Variants in MAGI2 observed in about 807,000 individuals in gnomAD.
MAGI2 encodes the protein membrane-associated guanylate kinase, WW and PDZ domain-containing protein 2.
A neutral mutation model predicts 133.3 loss-of-function variants in MAGI2; 35 were observed. The ratio of observed to expected loss-of-function variants is 0.26; its 90% CI spans 0.20 to 0.35. MAGI2 has a LOEUF of 0.35. Among genes scored for constraint, MAGI2 ranks in the 10% least tolerant of loss-of-function variants. The pLI, the probability that MAGI2 is intolerant of heterozygous loss-of-function variation, is 1.00. For synonymous variants in MAGI2, 729 were observed against 710.6 expected (o/e 1.03, Z -0.41); for missense variants, 1,636 against 1,863.4 (o/e 0.88, Z 2.25).
intron 14 of MAGI2, chr7:78,170,332 T>C (rs1474752782): frequency 6.6e-6 from 1 of 152,218 alleles, no homozygotes; most frequent in Non-Finnish European, 1.5e-5. Flanking sequence ...CAGCAACATT[T>C]ACAGATACTC....
rs138015758 is a variant in MAGI2, at chr7:78,694,055, T to C, written c.419-66816A>G. ...AAGGGCAGATCCTTGTTCCACAATA[T>C]AGAAGCTGCGTGACCATTGATAATT... On this transcript the variant is annotated intron_variant, in intron 2 of 21. Coordinates refer to ENST00000354212, the MANE Select transcript of MAGI2 (RefSeq NM_012301.4). Among the ~76,000 whole-genome samples the C allele has an allele frequency of 4.6e-5, 7 of 152,244 alleles. No individual in the cohort carries two copies. The East Asian group carries it at 9.7e-4, about 21-fold the overall frequency.
intron 2 of MAGI2, among the ~76,000 whole-genome samples, chr7:78,835,245 T>C (rs1347469161): frequency 6.6e-6 from 1 of 152,222 alleles, no homozygotes; most frequent in Admixed American, 6.5e-5. Context: ...ACATTTATTA[T>C]TGTCTGTCTT....
intron 1 of MAGI2, among the ~76,000 whole-genome samples, chr7:79,309,715 G>A (rs191677883): frequency 6.6e-5 from 10 of 151,776 alleles, no homozygotes; most frequent in Non-Finnish European, 1.0e-4. Flanking sequence ...ATCTTTCATC[G>A]TTTATGATGT....
chr7:78,601,288 T>A (rs1805175451), intron 3 of MAGI2, among the ~76,000 whole-genome samples: 1 of 152,032 alleles, frequency 6.6e-6, no homozygotes. Flanking sequence ...AGTTAGAGAA[T>A]AATGACATAA....
At chr7:79,383,768 A>T (rs953927431) in intron 1 of MAGI2, among the ~76,000 whole-genome samples, 1 of 151,528 alleles carries the variant, frequency 6.6e-6, no homozygotes, top group Non-Finnish European at 1.5e-5. Flanking sequence ...ATTTTGTCAG[A>T]TAGCAAAATA....
At chr7:78,405,346 C>A (rs999868892) in intron 6 of MAGI2, among the ~76,000 whole-genome samples, 10 of 152,026 alleles carry the variant, frequency 6.6e-5, no homozygotes, top group Admixed American at 5.9e-4. Context: ...TAGGCACAAA[C>A]CTTAAAATAG....
chr7:79,378,904 T>TTA (rs61497589), intron 1 of MAGI2, among the ~76,000 whole-genome samples: 1 of 128,062 alleles, frequency 7.8e-6, no homozygotes, highest in Non-Finnish European at 1.6e-5. Flanking sequence ...AAGTCTTCTT[T>TTA]TATATATATA....
chr7:78,246,957 T>C (rs1791859766), intron 10 of MAGI2, among the ~76,000 whole-genome samples: 1 of 152,178 alleles, frequency 6.6e-6, no homozygotes, highest in Non-Finnish European at 1.5e-5. Context: ...GGGCAATCTC[T>C]ATCCAACTCT....
chr7:79,259,063 T>G (rs780311385), intron 1 of MAGI2, among the ~76,000 whole-genome samples: 1 of 152,218 alleles, frequency 6.6e-6, no homozygotes, highest in Non-Finnish European at 1.5e-5. Flanking sequence ...TACAACTGCA[T>G]GCTTTACGTC....
At chr7:78,177,260 C>T (rs571184158) in intron 14 of MAGI2, among the ~76,000 whole-genome samples, 107 of 152,214 alleles carry the variant, frequency 7.0e-4, no homozygotes, top group African/African-American at 2.5e-3. Flanking sequence ...TCAAAACTTT[C>T]GTGGACCTAA....
At chr7:78,483,780 A>G (rs73374210) in intron 6 of MAGI2, among the ~76,000 whole-genome samples, 216 of 152,102 alleles carry the variant, frequency 1.4e-3, no homozygotes, top group African/African-American at 4.9e-3. Flanking sequence ...GTCAGCTACA[A>G]AAGAATTGTT....
At chr7:78,280,706 T>C (rs936073923) in intron 9 of MAGI2, among the ~76,000 whole-genome samples, 5 of 151,950 alleles carry the variant, frequency 3.3e-5, no homozygotes, top group Non-Finnish European at 5.9e-5. Flanking sequence ...GGTGGAACCA[T>C]AAAGCCTTGA....
intron 1 of MAGI2, among the ~76,000 whole-genome samples, chr7:79,301,163 G>C (rs1247592923): frequency 6.6e-6 from 1 of 152,222 alleles, no homozygotes; most frequent in Non-Finnish European, 1.5e-5. Flanking sequence ...CCCACACAGA[G>C]TTCCTATTTA....
At chr7:78,187,805 T>G (rs1417359154) in intron 12 of MAGI2, among the ~76,000 whole-genome samples, 1 of 152,192 alleles carries the variant, frequency 6.6e-6, no homozygotes, top group East Asian at 1.9e-4. Context: ...AAAACTGACA[T>G]TTTATGTTAT....
At chr7:78,025,319 A>AC (rs59163599) in intron 21 of MAGI2, among the ~76,000 whole-genome samples, 138,972 of 152,110 alleles carry the variant, frequency 0.91, 63,628 homozygotes, top group East Asian at 1. Flanking sequence ...TAGATACTAC[A>AC]CCCCCTCAGC....
chr7:78,999,290 T>C (rs559950621), intron 2 of MAGI2, among the ~76,000 whole-genome samples: 3 of 152,258 alleles, frequency 2.0e-5, no homozygotes, highest in Non-Finnish European at 1.5e-5. Context: ...TCGTATACTG[T>C]TGGTGCTTAT....
Position 78,921,790 on chromosome 7 carries a change from C to T in MAGI2, c.418+85300G>A, listed in dbSNP as rs537297489. On this transcript the variant is annotated intron_variant, in intron 2 of 21. Coordinates refer to ENST00000354212, the MANE Select transcript of MAGI2 (RefSeq NM_012301.4). ...GGGACTACAGGCACACACAATCACG[C>T]CCAGCTAATTTTTTTGTATTTTTAT... is the stretch of plus-strand genomic sequence containing the variant. Among the ~76,000 whole-genome samples, 5 of 152,198 alleles carry T rather than the reference C, an allele frequency of 3.3e-5. 1 individual carries two copies. The South Asian group carries it at 1.0e-3, about 32-fold the overall frequency.
At chr7:78,643,077 G>C (rs1584942081) in intron 2 of MAGI2, among the ~76,000 whole-genome samples, 1 of 152,138 alleles carries the variant, frequency 6.6e-6, no homozygotes, top group Non-Finnish European at 1.5e-5. Flanking sequence ...ACTCTGATTT[G>C]ATCATTACAC....
intron 21 of MAGI2, among the ~76,000 whole-genome samples, chr7:78,070,106 TACACACACAC>T (rs67410981): frequency 1.3e-5 from 1 of 79,664 alleles, no homozygotes; most frequent in African/African-American, 3.6e-5. Context: ...CACACACACA[TACACACACAC>T]ACACACACAC....
Sources: allele counts gnomAD v4.1 joint callset (sites outside exome capture counted in the v4.1 genomes callset), GRCh38; gene constraint gnomAD v4.1.1; transcripts MANE v1.5; gene names NCBI Gene and HGNC (gene_info 2026-07-23, HGNC 2026-07-21).